The following STK24 variants were observed in gnomAD, a reference collection of about 807,000 sequenced individuals.
STK24 encodes serine/threonine kinase 24, also known as serine/threonine-protein kinase 24.
In STK24, 21 loss-of-function variants were observed where a neutral mutation model predicts 55.6. The ratio of observed to expected loss-of-function variants is 0.38; its 90% confidence interval spans 0.27 to 0.54. The LOEUF (loss-of-function observed/expected upper bound fraction) is 0.54. STK24 is among the 20% of genes least tolerant of loss of function. STK24 has a pLI of 0.79. For missense variants in STK24, 383 were observed against 538.4 expected (o/e 0.71, Z 2.86); for synonymous variants, 200 against 215.2 (o/e 0.93, Z 0.62).
chr13:98,448,900 T>G lies in STK24; in HGVS notation c.*4273A>C, dbSNP rs2139197221. 6.6e-6 allele frequency: 1 copy of G among 152,388 alleles called. No individual in the cohort carries two copies. Among genetic ancestry groups the G allele is most frequent in the Non-Finnish European group, 1.5e-5 (1 of 68,082 alleles). The allele number at this position is 152,388 out of a possible 1,614,324, so 9.4% of individuals were successfully genotyped here. A position where few individuals can be genotyped will look rare whatever the true frequency, so the allele number is the denominator to read the frequency against. On this transcript the variant is annotated 3_prime_UTR_variant, in exon 11 of 11. Transcript: ENST00000539966. ...CAATTTGCAGCACACAGCGTTCCAC[T>G]GCGGGGTTTCACGCTCACCTGAAAA...
In STK24 at chr13:98,446,925, C is replaced by A; in HGVS notation, c.*6248G>T. 2.4e-6 allele frequency: 3 copies of A among 1,229,026 alleles called. No individual in the cohort carries two copies. The highest frequency in any genetic ancestry group is 3.5e-6 in the Non-Finnish European group (3 of 860,962). The allele number at this position is 1,229,026 out of a possible 1,614,324, so 76.1% of individuals were successfully genotyped here. A position where few individuals can be genotyped will look rare whatever the true frequency, so the allele number is the denominator to read the frequency against. ...GTGAGATGGCCCCACCCTTCCCTGC[C>A]AACTAAGCGTTTAGACCTGGGGTCC... On this transcript the variant is annotated 3_prime_UTR_variant, in exon 11 of 11. Transcript: ENST00000539966.
chr13:98,486,875 T>C (rs1894828611), intron 2 of STK24, among the ~76,000 whole-genome samples: 1 of 152,218 alleles, frequency 6.6e-6, no homozygotes, highest in Non-Finnish European at 1.5e-5. Flanking sequence ...ACCCTCTAAA[T>C]TCTTCATCCA....
At position 98,559,536 on chromosome 13, in the gene STK24, T is replaced by C. The variant is rs555408798; in HGVS notation, c.42+17209A>G. Among the ~76,000 whole-genome samples, 15 of 152,314 alleles carry C rather than the reference T, an allele frequency of 9.8e-5. No individual in the cohort carries two copies. In the Middle Eastern group the frequency reaches 0.014, roughly 138 times the overall value. On this transcript the variant is annotated intron_variant, in intron 1 of 10. Coordinates refer to ENST00000539966, the MANE Select transcript of STK24 (RefSeq NM_001032296.4). Reference sequence around the variant, plus strand: ...ATACCCAGTCTCGGGTATTTCTTCATAGCAGTATGAAAATGGACTCATACA... The same window carrying C: ...ATACCCAGTCTCGGGTATTTCTTCACAGCAGTATGAAAATGGACTCATACA...
At chr13:98,453,275 T>G in intron 10 of STK24, 66 bp from the exon 11 acceptor site, 2 of 1,513,506 alleles carry the variant, frequency 1.3e-6, no homozygotes, top group African/African-American at 1.4e-5. Context: ...AAAATTCATA[T>G]AGTAACCAAA....
intron 3 of STK24, among the ~76,000 whole-genome samples, chr13:98,476,494 C>T (rs1353519539): frequency 6.6e-6 from 1 of 152,218 alleles, no homozygotes; most frequent in Non-Finnish European, 1.5e-5. Context: ...GGGCCTTTCA[C>T]TTAGTTTTAA....
intron 5 of STK24, among the ~76,000 whole-genome samples, chr13:98,473,090 C>T (rs1427153338): frequency 6.6e-6 from 1 of 151,274 alleles, no homozygotes; most frequent in Non-Finnish European, 1.5e-5. Context: ...TTCCTGTTTA[C>T]TGTCAGTCTC....
At chr13:98,530,890 C>T (rs974680597) in intron 1 of STK24, among the ~76,000 whole-genome samples, 4 of 152,202 alleles carry the variant, frequency 2.6e-5, no homozygotes, top group South Asian at 4.1e-4. Flanking sequence ...ATCACTAACT[C>T]GCTGGCCATA....
intron 2 of STK24, among the ~76,000 whole-genome samples, chr13:98,484,763 C>T (rs1473193869): frequency 1.3e-5 from 2 of 152,018 alleles, no homozygotes; most frequent in Middle Eastern, 3.4e-3. Context: ...CTTCTGGGGA[C>T]GTGCAAGCAA....
intron 9 of STK24, among the ~76,000 whole-genome samples, chr13:98,459,061 T>TA (rs1234252733): frequency 2.0e-5 from 3 of 152,018 alleles, no homozygotes; most frequent in Non-Finnish European, 4.4e-5. Flanking sequence ...ATGGGCCCAG[T>TA]AAAAAAATAA....
Position 98,451,759 on chromosome 13 carries a change from C to T in STK24, c.*1414G>A, listed in dbSNP as rs1354252995. Reference sequence around the variant, plus strand: ...ATAAAAGAATGCTTCATGTACCAGTCAACAGCTGCTGCACGAACCCTCCCA... The same window carrying T: ...ATAAAAGAATGCTTCATGTACCAGTTAACAGCTGCTGCACGAACCCTCCCA... On this transcript the variant is annotated 3_prime_UTR_variant, in exon 11 of 11. Coordinates refer to ENST00000539966, the MANE Select transcript of STK24 (RefSeq NM_001032296.4). The T allele has an allele frequency of 6.6e-6, 1 of 152,204 alleles. No homozygotes were observed. The highest frequency in any genetic ancestry group is 1.5e-5 in the Non-Finnish European group (1 of 68,050). 9.4% of individuals were successfully genotyped at this position (152,204 alleles called of 1,614,324 possible). A position where few individuals can be genotyped will look rare whatever the true frequency, so the allele number is the denominator to read the frequency against.
chr13:98,491,483 G>A (rs1347195261), intron 2 of STK24, among the ~76,000 whole-genome samples: 2 of 152,120 alleles, frequency 1.3e-5, no homozygotes, highest in Admixed American at 6.5e-5. Context: ...AGGGGTGCAC[G>A]ATAAAACCTG....
chr13:98,491,542 A>C (rs1317345782), intron 2 of STK24, among the ~76,000 whole-genome samples: 1 of 152,214 alleles, frequency 6.6e-6, no homozygotes, highest in Non-Finnish European at 1.5e-5. Flanking sequence ...TTACTGGATC[A>C]CATCCTCACA....
At chr13:98,503,493 A>G (rs1312035737) in intron 2 of STK24, among the ~76,000 whole-genome samples, 1 of 152,228 alleles carries the variant, frequency 6.6e-6, no homozygotes, top group East Asian at 1.9e-4. Flanking sequence ...GCTGCCTCAC[A>G]TTAAAGTGGC....
At position 98,462,123 on chromosome 13, in the gene STK24, C is replaced by T. The variant is rs547773147; in HGVS notation, c.930-226G>A. 1.2e-3 allele frequency among the ~76,000 whole-genome samples: 190 copies of T among 152,202 alleles called. 2 individuals carry two copies. The highest frequency in any genetic ancestry group is 0.012 in the South Asian group (60 of 4,814). On this transcript the variant is annotated intron_variant, in intron 7 of 10. Transcript: ENST00000539966. ...GGGAGGTGGTTCCACAACTCCCTGG[C>T]GTGCCAGTGTGTGCATGCCCACCCT...
chr13:98,446,000 A>G lies in STK24; in HGVS notation c.*7173T>C. ...GGGCCCACATCCTTCAGTCACGGAC[A>G]TGCCCCAGCCCAGGGCCCTGGTGCA... is the stretch of plus-strand genomic sequence containing the variant. On this transcript the variant is annotated 3_prime_UTR_variant, in exon 11 of 11. Coordinates refer to ENST00000539966, the MANE Select transcript of STK24 (RefSeq NM_001032296.4). 2.6e-6 allele frequency: 2 copies of G among 782,890 alleles called. No homozygotes were observed. Among genetic ancestry groups the G allele is most frequent in the Non-Finnish European group, 4.3e-6 (2 of 465,120 alleles). 48.5% of individuals were successfully genotyped at this position (782,890 alleles called of 1,614,324 possible). A position where few individuals can be genotyped will look rare whatever the true frequency, so the allele number is the denominator to read the frequency against.
intron 1 of STK24, among the ~76,000 whole-genome samples, chr13:98,575,402 T>TAC (rs769540722): frequency 0.017 from 1,719 of 98,618 alleles, 9 homozygotes; most frequent in African/African-American, 0.028. Flanking sequence ...ATACTGCTTA[T>TAC]ATATACACAC....
At position 98,446,249 on chromosome 13, in the gene STK24, T is replaced by TGGCAGCATGAGGTGAGGGGGC. The variant is rs747721963; in HGVS notation, c.*6903_*6923dup. ...GCAGGTGGCCCTGGGACCTTGGGGGTGGCAGCATGAGGTGAGGGGGCCGCC... is the reference window on the plus strand; with the variant it reads ...GCAGGTGGCCCTGGGACCTTGGGGGTGGCAGCATGAGGTGAGGGGGCGGCAGCATGAGGTGAGGGGGCCGCC... On this transcript the variant is annotated 3_prime_UTR_variant, in exon 11 of 11. Transcript: ENST00000539966. 7.3e-7 allele frequency: 1 copy of TGGCAGCATGAGGTGAGGGGGC among 1,363,330 alleles called. No homozygotes were observed. The highest frequency in any genetic ancestry group is 1.4e-5 in the African/African-American group (1 of 69,842). The allele number at this position is 1,363,330 out of a possible 1,614,324, so 84.5% of individuals were successfully genotyped here.
intron 1 of STK24, among the ~76,000 whole-genome samples, chr13:98,568,944 A>G (rs1897662336): frequency 1.3e-5 from 2 of 152,212 alleles, no homozygotes; most frequent in Admixed American, 1.3e-4. Flanking sequence ...AGTTTCAGAA[A>G]GAAAGAACAC....
Position 98,531,241 on chromosome 13 carries a change from C to T in STK24, c.43-11768G>A, listed in dbSNP as rs1309976478. The stretch of plus-strand genomic sequence containing the variant: ...ACTCTTTATCAGTCTTTCCAATACG[C>T]CCTCCCAAAATCTGAAAATCAAGCT... On this transcript the variant is annotated intron_variant, in intron 1 of 10. Transcript: ENST00000539966. Among the ~76,000 whole-genome samples, 4 of 152,186 alleles carry T rather than the reference C, an allele frequency of 2.6e-5. No homozygotes were observed. The East Asian group carries it at 7.7e-4, about 29-fold the overall frequency.
Sources: allele counts gnomAD v4.1 joint callset (sites outside exome capture counted in the v4.1 genomes callset), GRCh38; gene constraint gnomAD v4.1.1; transcripts MANE v1.5; gene names NCBI Gene and HGNC (gene_info 2026-07-23, HGNC 2026-07-21).